PBX3: variants seen among roughly 807,000 people sequenced by gnomAD.
The protein encoded by PBX3 is PBX homeobox 3.
Under a neutral mutation model 48.5 loss-of-function variants are expected in PBX3, and 14 were observed. The ratio of observed to expected loss-of-function variants is 0.29; its 90% CI spans 0.19 to 0.45. The LOEUF is 0.45. Among genes scored for constraint, PBX3 ranks in the 20% least tolerant of loss-of-function variants. The pLI, the probability that PBX3 is intolerant of heterozygous loss-of-function variation, is 1.00. For missense variants in PBX3, 386 were observed against 546.7 expected (o/e 0.71, Z 2.93); for synonymous variants, 210 against 200.3 (o/e 1.05, Z -0.41).
intron 6 of PBX3, among the ~76,000 whole-genome samples, chr9:125,961,064 G>T (rs1005150122): frequency 6.6e-6 from 1 of 152,266 alleles, no homozygotes. Context: ...CTCACTAGTA[G>T]ATTATGGAAG....
In PBX3 at chr9:125,821,986, TA is replaced by T. The variant is rs901805714; in HGVS notation, c.274+73365del. Among the ~76,000 whole-genome samples, 10 of 152,000 alleles carry T rather than the reference TA, an allele frequency of 6.6e-5. No individual in the cohort carries two copies. The East Asian group carries it at 9.6e-4, about 15-fold the overall frequency. On this transcript the variant is annotated intron_variant, in intron 2 of 8. Coordinates refer to ENST00000373489, the MANE Select transcript of PBX3 (RefSeq NM_006195.6). ...GTAGAAGCTGTGGTGTAATATATTTTAATTAAGAATTAATTAAAAATGATGG... is the reference window on the plus strand; with the variant it reads ...GTAGAAGCTGTGGTGTAATATATTTTATTAAGAATTAATTAAAAATGATGG...
At chr9:125,913,077 G>A (rs1442912571) in intron 2 of PBX3, among the ~76,000 whole-genome samples, 1 of 152,062 alleles carries the variant, frequency 6.6e-6, no homozygotes, top group Non-Finnish European at 1.5e-5. Flanking sequence ...TCATTACTTT[G>A]CTTAATAAAG....
At chr9:125,947,562 T>G (rs946782281) in intron 5 of PBX3, among the ~76,000 whole-genome samples, 4 of 151,836 alleles carry the variant, frequency 2.6e-5, no homozygotes, top group African/African-American at 7.3e-5. Flanking sequence ...CATAGAATAA[T>G]TTTTTTTAAA....
At chr9:125,840,066 A>T (rs546208668) in intron 2 of PBX3, among the ~76,000 whole-genome samples, 3 of 152,248 alleles carry the variant, frequency 2.0e-5, no homozygotes, top group African/African-American at 4.8e-5. Context: ...AGAGATTTTT[A>T]AAAATGTTTT....
At chr9:125,791,413 G>A (rs1206492940) in intron 2 of PBX3, among the ~76,000 whole-genome samples, 2 of 151,840 alleles carry the variant, frequency 1.3e-5, no homozygotes, top group East Asian at 3.9e-4. Flanking sequence ...TGAATCTTGT[G>A]TCAAATTGTG....
At chr9:125,824,895 T>G (rs1365234360) in intron 2 of PBX3, among the ~76,000 whole-genome samples, 4 of 152,188 alleles carry the variant, frequency 2.6e-5, no homozygotes, top group African/African-American at 9.6e-5. Flanking sequence ...CATGCATTAG[T>G]TCATTTAATC....
chr9:125,858,390 G>A (rs1839776732), intron 2 of PBX3, among the ~76,000 whole-genome samples: 1 of 152,100 alleles, frequency 6.6e-6, no homozygotes, highest in African/African-American at 2.4e-5. Flanking sequence ...CTGTACATGT[G>A]CATATCGTAT....
chr9:125,898,586 A>G lies in PBX3; in HGVS notation c.275-17100A>G, dbSNP rs953668072. Reference sequence around the variant, plus strand: ...GAACTGGTTCAGGAACGTATGGAACATCTAGCTCAGCCCTCTCATTTGATA... The same window carrying G: ...GAACTGGTTCAGGAACGTATGGAACGTCTAGCTCAGCCCTCTCATTTGATA... On this transcript the variant is annotated intron_variant, in intron 2 of 8. Transcript: ENST00000373489. 2.0e-5 allele frequency among the ~76,000 whole-genome samples: 3 copies of G among 151,832 alleles called. No homozygotes were observed. The East Asian group carries it at 5.8e-4, about 29-fold the overall frequency.
At chr9:125,751,283 G>T (rs911175496) in intron 2 of PBX3, among the ~76,000 whole-genome samples, 2 of 152,062 alleles carry the variant, frequency 1.3e-5, no homozygotes, top group African/African-American at 4.8e-5. Flanking sequence ...CATTTCAGTT[G>T]TGCTTTTCTT....
chr9:125,773,067 T>C (rs1478115685), intron 2 of PBX3, among the ~76,000 whole-genome samples: 1 of 152,232 alleles, frequency 6.6e-6, no homozygotes, highest in African/African-American at 2.4e-5. Flanking sequence ...CTTTGTTCTA[T>C]ACTTTGGCTA....
At chr9:125,898,576 C>T (rs1028945012) in intron 2 of PBX3, among the ~76,000 whole-genome samples, 33 of 151,576 alleles carry the variant, frequency 2.2e-4, no homozygotes, top group African/African-American at 7.3e-4. Context: ...GGTTCAGGAA[C>T]GTATGGAACA....
Position 125,966,153 on chromosome 9 carries a change from T to G in PBX3, c.*230T>G, listed in dbSNP as rs1842527618. The stretch of plus-strand genomic sequence containing the variant: ...AGCACTTTATCCAATTAGGCCAAGA[T>G]TTAACATTGTTGACAGTCCTGTAGC... On this transcript the variant is annotated 3_prime_UTR_variant, in exon 9 of 9. Coordinates refer to ENST00000373489, the MANE Select transcript of PBX3 (RefSeq NM_006195.6). The G allele has an allele frequency of 2.5e-6, 1 of 394,372 alleles. No homozygotes were observed. The highest frequency in any genetic ancestry group is 4.1e-5 in the Admixed American group (1 of 24,536). 24.4% of individuals were successfully genotyped at this position (394,372 alleles called of 1,614,324 possible).
intron 5 of PBX3, among the ~76,000 whole-genome samples, chr9:125,958,544 A>C (rs1842358819): frequency 6.6e-6 from 1 of 152,202 alleles, no homozygotes; most frequent in African/African-American, 2.4e-5. Context: ...GTTCAGAATA[A>C]AGAGAACTAT....
chr9:125,792,371 G>A (rs1421985320), intron 2 of PBX3, among the ~76,000 whole-genome samples: 1 of 152,180 alleles, frequency 6.6e-6, no homozygotes, highest in Non-Finnish European at 1.5e-5. Context: ...AATATTAGGG[G>A]AGGTGAAGGA....
chr9:125,830,632 TACTA>T (rs1204363257), intron 2 of PBX3, among the ~76,000 whole-genome samples: 2 of 152,206 alleles, frequency 1.3e-5, no homozygotes, highest in Non-Finnish European at 1.5e-5. Flanking sequence ...ATAACATTAA[TACTA>T]ATGATGACAG....
chr9:125,935,460 C>T lies in PBX3; in HGVS notation c.708-12C>T. 6.2e-7 allele frequency: 1 copy of T among 1,612,706 alleles called. No homozygotes were observed. The highest frequency in any genetic ancestry group is 8.5e-7 in the Non-Finnish European group (1 of 1,179,022). ...TTGTAACTGCAATTATTTTCTTTCA[C>T]TCTTGTCATAGACGGAAAAGGCGTA... On this transcript the variant is annotated splice_polypyrimidine_tract_variant and intron_variant, in intron 4 of 8. Transcript: ENST00000373489.
intron 2 of PBX3, among the ~76,000 whole-genome samples, chr9:125,886,558 C>T (rs1840507084): frequency 6.6e-6 from 1 of 152,122 alleles, no homozygotes; most frequent in South Asian, 2.1e-4. Flanking sequence ...AAATTACAGT[C>T]ATTTACTGGG....
intron 2 of PBX3, among the ~76,000 whole-genome samples, chr9:125,899,381 AT>A (rs1043924139): frequency 2.2e-5 from 3 of 133,348 alleles, no homozygotes; most frequent in Non-Finnish European, 5.0e-5. Context: ...ATATGTATAT[AT>A]TTTTATATAA....
chr9:125,768,613 A>G (rs546864218), intron 2 of PBX3, among the ~76,000 whole-genome samples: 1 of 152,342 alleles, frequency 6.6e-6, no homozygotes, highest in Non-Finnish European at 1.5e-5. Flanking sequence ...CACTTTTGCA[A>G]ATCTTTTAAA....
Sources: allele counts gnomAD v4.1 joint callset (sites outside exome capture counted in the v4.1 genomes callset), GRCh38; gene constraint gnomAD v4.1.1; transcripts MANE v1.5; gene names NCBI Gene and HGNC (gene_info 2026-07-23, HGNC 2026-07-21).